SCAF4: variants seen among roughly 807,000 people sequenced by gnomAD.
SCAF4 encodes the protein SR-related CTD associated factor 4.
SCAF4 carries 25 observed loss-of-function variants against 129.8 expected under a neutral mutation model. The observed-to-expected ratio is 0.19, with a 90% confidence interval of 0.14 to 0.27. SCAF4 has a LOEUF of 0.27. Among genes scored for constraint, SCAF4 ranks in the 10% least tolerant of loss-of-function variants. The pLI is 1.00. For synonymous variants in SCAF4, 551 were observed against 497.7 expected (o/e 1.11, Z -1.43); for missense variants, 1,246 against 1,457.1 (o/e 0.86, Z 2.36).
intron 1 of SCAF4, among the ~76,000 whole-genome samples, chr21:31,724,681 GAAC>G (rs1296892255): frequency 2.6e-5 from 4 of 152,024 alleles, no homozygotes. Flanking sequence ...CCATGACACA[GAAC>G]AACCTACAAT....
chr21:31,713,835 T>C (rs2050862409), intron 1 of SCAF4, among the ~76,000 whole-genome samples: 1 of 152,096 alleles, frequency 6.6e-6, no homozygotes, highest in African/African-American at 2.4e-5. Context: ...CACATAAGTA[T>C]TATACACAGA....
chr21:31,673,808 A>G (rs1031414666), intron 19 of SCAF4, among the ~76,000 whole-genome samples: 1 of 152,256 alleles, frequency 6.6e-6, no homozygotes, highest in African/African-American at 2.4e-5. Context: ...GGATCATTAT[A>G]TAGAAACACC....
At chr21:31,711,696 T>C (rs774757644) in intron 1 of SCAF4, among the ~76,000 whole-genome samples, 1 of 152,086 alleles carries the variant, frequency 6.6e-6, no homozygotes, top group Non-Finnish European at 1.5e-5. Context: ...AGTGTACAGA[T>C]AGTAAAGATA....
chr21:31,725,597 G>C (rs1382364618), intron 1 of SCAF4, among the ~76,000 whole-genome samples: 1 of 152,156 alleles, frequency 6.6e-6, no homozygotes, highest in Non-Finnish European at 1.5e-5. Context: ...CAGCACTGCA[G>C]TTCTCAAAGA....
At chr21:31,683,031 A>G (rs890145574) in intron 19 of SCAF4, among the ~76,000 whole-genome samples, 1 of 152,238 alleles carries the variant, frequency 6.6e-6, no homozygotes. Context: ...TTTTAGTTCA[A>G]AGTGCTTATT....
chr21:31,722,809 C>T (rs1315290387), intron 1 of SCAF4, among the ~76,000 whole-genome samples: 2 of 151,906 alleles, frequency 1.3e-5, no homozygotes, highest in Non-Finnish European at 1.5e-5. Context: ...AAAAATTAGC[C>T]GGGTGTGGTG....
At chr21:31,697,475 C>T (rs1189111855) in intron 7 of SCAF4, among the ~76,000 whole-genome samples, 1 of 152,082 alleles carries the variant, frequency 6.6e-6, no homozygotes, top group Non-Finnish European at 1.5e-5. Context: ...ATAGTTTCTT[C>T]TTTTTTACAG....
intron 1 of SCAF4, among the ~76,000 whole-genome samples, chr21:31,726,597 G>A (rs1022738243): frequency 8.5e-5 from 13 of 152,144 alleles, no homozygotes; most frequent in African/African-American, 1.4e-4. Context: ...CCCAGGAGGC[G>A]GAGGTTGCAA....
At chr21:31,686,545 A>G (rs1010380292) in intron 16 of SCAF4, among the ~76,000 whole-genome samples, 4 of 152,186 alleles carry the variant, frequency 2.6e-5, no homozygotes, top group Non-Finnish European at 5.9e-5. Context: ...ATGAGTTAAT[A>G]CATACTAAGT....
chr21:31,690,541 T>C (rs1022329965), intron 15 of SCAF4, among the ~76,000 whole-genome samples: 5 of 152,210 alleles, frequency 3.3e-5, no homozygotes, highest in Admixed American at 1.3e-4. Flanking sequence ...ATATGATTTA[T>C]TAAGTTTCAC....
intron 2 of SCAF4, 108 bp downstream of exon 2, chr21:31,706,166 T>C: frequency 1.3e-6 from 1 of 741,442 alleles, no homozygotes; most frequent in Non-Finnish European, 2.3e-6. Context: ...GTTAGGGCTC[T>C]TTGATTTAGG....
chr21:31,719,971 C>T (rs2051031876), intron 1 of SCAF4, among the ~76,000 whole-genome samples: 1 of 152,190 alleles, frequency 6.6e-6, no homozygotes, highest in Non-Finnish European at 1.5e-5. Flanking sequence ...CCAAATCAAT[C>T]CACAACTTCT....
At chr21:31,731,461 G>T (rs940941501) in intron 1 of SCAF4, among the ~76,000 whole-genome samples, 5 of 152,174 alleles carry the variant, frequency 3.3e-5, no homozygotes, top group African/African-American at 1.2e-4. Context: ...TGGGCAGTGG[G>T]GGGAGGGGTG....
chr21:31,690,378 G>A (rs1286215229), intron 15 of SCAF4, among the ~76,000 whole-genome samples: 5 of 152,108 alleles, frequency 3.3e-5, no homozygotes, highest in South Asian at 2.1e-4. Flanking sequence ...CCAGCTACTC[G>A]GGAGACTGAA....
At chr21:31,702,008 C>A in intron 5 of SCAF4, 90 bp from the exon 6 acceptor site, 1 of 1,468,046 alleles carries the variant, frequency 6.8e-7, no homozygotes, top group Non-Finnish European at 9.3e-7. Context: ...ACATTTTATC[C>A]AATTTAACAA....
intron 1 of SCAF4, among the ~76,000 whole-genome samples, chr21:31,716,144 A>C (rs2050916078): frequency 6.6e-6 from 1 of 152,054 alleles, no homozygotes; most frequent in South Asian, 2.1e-4. Context: ...AAATCTCTCA[A>C]GCAATATTTC....
At chr21:31,687,518 T>A (rs17660708) in intron 16 of SCAF4, among the ~76,000 whole-genome samples, 2 of 152,166 alleles carry the variant, frequency 1.3e-5, no homozygotes, top group Non-Finnish European at 2.9e-5. Flanking sequence ...AAGTAACAGG[T>A]TGGCTGACTA....
chr21:31,730,661 C>A (rs1208252083), intron 1 of SCAF4, among the ~76,000 whole-genome samples: 2 of 152,202 alleles, frequency 1.3e-5, no homozygotes, highest in Non-Finnish European at 1.5e-5. Context: ...CAACTCAACC[C>A]ATGACAATAG....
chr21:31,704,341 C>T (rs890128659), intron 3 of SCAF4, among the ~76,000 whole-genome samples: 5 of 151,872 alleles, frequency 3.3e-5, no homozygotes. Flanking sequence ...TATTACAGTA[C>T]CAAATAAAAA....
Sources: allele counts gnomAD v4.1 joint callset (sites outside exome capture counted in the v4.1 genomes callset), GRCh38; gene constraint gnomAD v4.1.1; transcripts MANE v1.5; gene names NCBI Gene and HGNC (gene_info 2026-07-23, HGNC 2026-07-21).